The following DHX15 variants were observed in gnomAD, a reference collection of about 807,000 sequenced individuals.
The protein encoded by DHX15 is DEAH-box helicase 15.
DHX15 carries 11 observed loss-of-function variants against 94.4 expected under a neutral mutation model. The ratio of observed to expected loss-of-function variants is 0.12; its 90% CI spans 0.07 to 0.19. DHX15 has a LOEUF of 0.19. Among genes scored for constraint, DHX15 ranks in the 10% least tolerant of loss-of-function variants. The pLI is 1.00. For synonymous variants in DHX15, 338 were observed against 329.9 expected (o/e 1.02, Z -0.27); for missense variants, 304 against 988.5 (o/e 0.31, Z 9.29).
chr4:24,556,472 T>C, intron 3 of DHX15, 62 bp from the exon 4 acceptor site: 1 of 1,365,510 alleles, frequency 7.3e-7, no homozygotes, highest in Non-Finnish European at 1.0e-6. Flanking sequence ...CCAAACTTCG[T>C]GACAAAAATG....
chr4:24,551,054 C>CT (rs1721592081), intron 5 of DHX15, among the ~76,000 whole-genome samples: 1 of 152,068 alleles, frequency 6.6e-6, no homozygotes, highest in East Asian at 1.9e-4. Context: ...TGACTATATT[C>CT]TAACACATGT....
At chr4:24,574,204 T>TC (rs1353300589) in intron 2 of DHX15, among the ~76,000 whole-genome samples, 5 of 6,490 alleles carry the variant, frequency 7.7e-4, no homozygotes, top group Non-Finnish European at 1.5e-3. Flanking sequence ...AGACTTTGTC[T>TC]CAAAAAAAAA....
chr4:24,534,176 G>A (rs1464085256), intron 11 of DHX15: 4 of 152,186 alleles, frequency 2.6e-5, no homozygotes, highest in Admixed American at 1.3e-4. Context: ...TTAACCATCT[G>A]AAGCCATTGA....
rs772422269 is a variant in DHX15 at position 24,537,073 on chromosome 4, G to A, written c.1887C>T (p.Asn629=). The A allele has an allele frequency of 6.8e-6, 11 of 1,613,632 alleles. No individual in the cohort carries two copies. The East Asian group carries it at 1.1e-4, about 16-fold the overall frequency. ...HIDGDHLTLL[N]VYHAFKQNHE... is the part of the protein sequence containing the mutation. ...TACTTTGTTTAAAAGCATGGTAGAC[G>A]TTCAGCAGTGTCAGATGATCTCCAT... The change falls in exon 11 of 14, where the codon AAC becomes AAT. Residue 629 remains asparagine, a synonymous_variant. Coordinates refer to ENST00000336812, the MANE Select transcript of DHX15 (RefSeq NM_001358.3). This position sits in a 1 kb window ranked among gnomAD's most constrained non-coding sequence, Gnocchi z 4.7.
At chr4:24,569,654 ATC>A (rs1375069244) in intron 3 of DHX15, among the ~76,000 whole-genome samples, 1 of 151,512 alleles carries the variant, frequency 6.6e-6, no homozygotes, top group Non-Finnish European at 1.5e-5. Context: ...AACACTATAT[ATC>A]TCTCTGACAA....
rs576639112 is a variant in DHX15 at position 24,570,489 on chromosome 4, C to T, written c.701+165G>A. Among the ~76,000 whole-genome samples, 20 of 152,150 alleles carry T rather than the reference C, an allele frequency of 1.3e-4. No homozygotes were observed. The South Asian group carries it at 3.3e-3, about 25-fold the overall frequency. On this transcript the variant is annotated intron_variant, in intron 3 of 13. Coordinates refer to ENST00000336812, the MANE Select transcript of DHX15 (RefSeq NM_001358.3). ...ATTTCTACCAAGTAACTATAGATTA[C>T]CAATAATATATAATTAAACTAAGGT...
At chr4:24,551,285 A>G (rs748207670) in intron 5 of DHX15, among the ~76,000 whole-genome samples, 2 of 152,106 alleles carry the variant, frequency 1.3e-5, no homozygotes, top group African/African-American at 2.4e-5. Context: ...CCCAATCAGA[A>G]GCTACCCTTG....
chr4:24,545,994 CT>C (rs747123433), intron 6 of DHX15, among the ~76,000 whole-genome samples: 159 of 152,264 alleles, frequency 1.0e-3, no homozygotes, highest in Non-Finnish European at 1.8e-3. Context: ...ATAGAACTCA[CT>C]TTTTTTCTAA....
chr4:24,528,940 GA>G (rs1349937589), intron 13 of DHX15, among the ~76,000 whole-genome samples: 35 of 151,700 alleles, frequency 2.3e-4, no homozygotes, highest in Non-Finnish European at 5.0e-4. Flanking sequence ...CTGCAAGCAA[GA>G]AACAGTACTG....
intron 3 of DHX15, among the ~76,000 whole-genome samples, chr4:24,565,095 A>C (rs1413941968): frequency 6.6e-6 from 1 of 152,238 alleles, no homozygotes; most frequent in Middle Eastern, 3.2e-3. Flanking sequence ...TTTAAAGGGA[A>C]TATTCTTTCA....
At chr4:24,548,621 T>C (rs1390572515) in intron 6 of DHX15, among the ~76,000 whole-genome samples, 1 of 152,246 alleles carries the variant, frequency 6.6e-6, no homozygotes, top group Non-Finnish European at 1.5e-5. Flanking sequence ...CAACATCCTT[T>C]CTTAACCCAT....
intron 3 of DHX15, among the ~76,000 whole-genome samples, chr4:24,563,813 C>T (rs563209513): frequency 7.9e-5 from 12 of 152,064 alleles, no homozygotes; most frequent in African/African-American, 2.9e-4. Flanking sequence ...CGCCTGTAAT[C>T]CCAGCACTTT....
At chr4:24,535,929 T>A (rs1031846074) in intron 11 of DHX15, among the ~76,000 whole-genome samples, 3 of 152,114 alleles carry the variant, frequency 2.0e-5, no homozygotes, top group African/African-American at 7.2e-5. Context: ...AAGAAACCAA[T>A]TTCTCATGAG....
intron 2 of DHX15, among the ~76,000 whole-genome samples, chr4:24,572,703 A>C (rs1226719190): frequency 6.6e-6 from 1 of 152,228 alleles, no homozygotes; most frequent in Non-Finnish European, 1.5e-5. Context: ...AAACAAAAAA[A>C]CTTAGCTAGA....
At chr4:24,549,123 T>A in intron 5 of DHX15, 101 bp from the exon 6 acceptor site, 1 of 933,650 alleles carries the variant, frequency 1.1e-6, no homozygotes, top group East Asian at 2.7e-5. Context: ...GCCATCTTCT[T>A]TCACTTCATG....
chr4:24,540,312 G>A lies in DHX15; in HGVS notation c.1595-13C>T. The stretch of plus-strand genomic sequence containing the variant: ...AGAGTTTCAGGAGCTAGTGGTAAAA[G>A]ACAATCTATTAGACACGGTGCCTTA... On this transcript the variant is annotated splice_polypyrimidine_tract_variant and intron_variant, in intron 9 of 13. Coordinates refer to ENST00000336812, the MANE Select transcript of DHX15 (RefSeq NM_001358.3). 2 of 1,606,212 alleles carry A rather than the reference G, an allele frequency of 1.2e-6. No homozygotes were observed. The highest frequency in any genetic ancestry group is 1.7e-6 in the Non-Finnish European group (2 of 1,176,262).
chr4:24,568,276 T>C (rs778059282), intron 3 of DHX15, among the ~76,000 whole-genome samples: 11 of 152,224 alleles, frequency 7.2e-5, no homozygotes, highest in Admixed American at 1.3e-4. Flanking sequence ...TAATGAAGCA[T>C]TCCCATTAGT....
chr4:24,548,523 CA>C (rs943627418), intron 6 of DHX15, among the ~76,000 whole-genome samples: 24 of 152,306 alleles, frequency 1.6e-4, no homozygotes, highest in African/African-American at 5.8e-4. Flanking sequence ...AAGCCTTAAA[CA>C]AAATTATGGG....
At chr4:24,578,298 C>A (rs1300839134) in intron 1 of DHX15, among the ~76,000 whole-genome samples, 1 of 152,200 alleles carries the variant, frequency 6.6e-6, no homozygotes, top group Non-Finnish European at 1.5e-5. Flanking sequence ...CTGCTTCTGG[C>A]CTAAGGTGAC....
Sources: gnomAD v4.1 joint callset for allele counts (sites outside exome capture counted in the v4.1 genomes callset) on GRCh38, gnomAD v4.1.1 for gene constraint, Gnocchi (gnomAD v3.1) non-coding constraint, MANE v1.5 for transcripts, NCBI Gene and HGNC (gene_info 2026-07-23, HGNC 2026-07-21) for gene names.